PRKAR2A: variants seen among roughly 807,000 people sequenced by gnomAD.
PRKAR2A encodes protein kinase cAMP-dependent type II regulatory subunit alpha, also known as cAMP-dependent protein kinase type II-alpha regulatory subunit.
Under a neutral mutation model 51.9 loss-of-function variants are expected in PRKAR2A, and 29 were observed. That is an observed-to-expected ratio of 0.56 (90% confidence interval 0.42 to 0.76). The LOEUF (loss-of-function observed/expected upper bound fraction) is 0.76. Among genes scored for constraint, PRKAR2A ranks in the 30% least tolerant of loss-of-function variants. PRKAR2A has a pLI of 0.00. For synonymous variants in PRKAR2A, 178 were observed against 186.2 expected (o/e 0.96, Z 0.36); for missense variants, 445 against 512.1 (o/e 0.87, Z 1.26).
intron 9 of PRKAR2A, 39 bp from the exon 10 acceptor site, chr3:48,752,356 G>GATCAC: frequency 6.2e-7 from 1 of 1,600,310 alleles, no homozygotes; most frequent in Non-Finnish European, 8.5e-7. Context: ...CTGACTCCAG[G>GATCAC]ATCACAGCTG....
At chr3:48,817,321 G>A (rs1265010146) in intron 1 of PRKAR2A, among the ~76,000 whole-genome samples, 2 of 115,336 alleles carry the variant, frequency 1.7e-5, no homozygotes, top group East Asian at 5.2e-4. Context: ...GCAAGACTAC[G>A]TCTCAATAAA....
chr3:48,751,875 G>C (rs1406741287), intron 10 of PRKAR2A, among the ~76,000 whole-genome samples, 157 bp from the exon 11 acceptor site: 1 of 152,170 alleles, frequency 6.6e-6, no homozygotes, highest in Non-Finnish European at 1.5e-5. Context: ...TCAGAAGACT[G>C]TCATCCAGGT....
intron 6 of PRKAR2A, among the ~76,000 whole-genome samples, chr3:48,771,793 T>C (rs968146406): frequency 6.6e-6 from 1 of 152,166 alleles, no homozygotes; most frequent in Admixed American, 6.6e-5. Context: ...GAATGTTCCA[T>C]GGGCTTGAAA....
intron 5 of PRKAR2A, among the ~76,000 whole-genome samples, chr3:48,776,273 G>A (rs746816450): frequency 2.0e-4 from 31 of 152,084 alleles, no homozygotes; most frequent in Non-Finnish European, 4.0e-4. Flanking sequence ...GGTAATTAAA[G>A]CTTATAGCAA....
chr3:48,830,307 T>G (rs532601380), intron 1 of PRKAR2A, among the ~76,000 whole-genome samples: 3 of 152,248 alleles, frequency 2.0e-5, no homozygotes, highest in Admixed American at 6.5e-5. Context: ...AATATCACTG[T>G]CTTCCACCTC....
At chr3:48,837,904 C>A (rs1298893513) in intron 1 of PRKAR2A, among the ~76,000 whole-genome samples, 2 of 151,972 alleles carry the variant, frequency 1.3e-5, no homozygotes, top group African/African-American at 4.8e-5. Context: ...ATTGGCTGGG[C>A]ACGGTGGCTA....
At chr3:48,826,247 C>G (rs907767966) in intron 1 of PRKAR2A, among the ~76,000 whole-genome samples, 3 of 152,186 alleles carry the variant, frequency 2.0e-5, no homozygotes, top group African/African-American at 4.8e-5. Context: ...GCCTGGGTGA[C>G]AGAAGAAGAC....
chr3:48,773,817 T>C (rs573537621), intron 5 of PRKAR2A, among the ~76,000 whole-genome samples: 3 of 151,522 alleles, frequency 2.0e-5, no homozygotes, highest in Non-Finnish European at 4.4e-5. Context: ...TTTTTTGACA[T>C]ATATATTTTT....
At chr3:48,788,035 T>A (rs893693277) in intron 4 of PRKAR2A, among the ~76,000 whole-genome samples, 1 of 152,160 alleles carries the variant, frequency 6.6e-6, no homozygotes, top group African/African-American at 2.4e-5. Flanking sequence ...TAATTTTAAA[T>A]TTTTAGCTTT....
chr3:48,795,252 C>T (rs989416816), intron 2 of PRKAR2A, among the ~76,000 whole-genome samples: 1 of 151,996 alleles, frequency 6.6e-6, no homozygotes, highest in African/African-American at 2.4e-5. Context: ...GGATTACAGG[C>T]GTGAGCCACC....
intron 8 of PRKAR2A, among the ~76,000 whole-genome samples, chr3:48,764,596 A>T (rs2081910033): frequency 6.6e-6 from 1 of 152,170 alleles, no homozygotes; most frequent in Non-Finnish European, 1.5e-5. Context: ...CCTGGTAATA[A>T]GAGCTCCCAA....
chr3:48,827,171 T>G (rs1358845660), intron 1 of PRKAR2A, among the ~76,000 whole-genome samples: 5 of 152,128 alleles, frequency 3.3e-5, no homozygotes, highest in Non-Finnish European at 5.9e-5. Context: ...TTCTTTTTTT[T>G]GGGCTGAGAA....
chr3:48,813,650 T>C (rs1435422114), intron 1 of PRKAR2A, among the ~76,000 whole-genome samples: 1 of 151,376 alleles, frequency 6.6e-6, no homozygotes, highest in Non-Finnish European at 1.5e-5. Context: ...GCCGAGATTG[T>C]GCCACTGCAC....
chr3:48,749,895 TTC>T lies in PRKAR2A; in HGVS notation c.*1688_*1689del, dbSNP rs1163711721. The T allele has an allele frequency of 6.6e-6, 1 of 151,908 alleles. No homozygotes were observed. Among genetic ancestry groups the T allele is most frequent in the Non-Finnish European group, 1.5e-5 (1 of 68,034 alleles). The allele number at this position is 151,908 out of a possible 1,614,324, so 9.4% of individuals were successfully genotyped here. ...TTACCTAAAGAATAATTTTTTTTCT[TTC>T]TTTTTTTTTTTTTAAGAGACAGGGT... On this transcript the variant is annotated 3_prime_UTR_variant, in exon 11 of 11. Coordinates refer to ENST00000265563, the MANE Select transcript of PRKAR2A (RefSeq NM_004157.4).
chr3:48,765,282 A>C lies in PRKAR2A; in HGVS notation c.764T>G (p.Phe255Cys). The stretch of plus-strand genomic sequence containing the variant: ...TTTAAGGAGGGGCACAGACTCAATA[A>C]ATGATTCAAACATCTTCCTCTTCTT... ...NAKKRKMFESFIESVPLLKSL... is the reference protein window; with the variant it reads ...NAKKRKMFESCIESVPLLKSL... Residue 255 changes from phenylalanine (F) to cysteine (C), a missense_variant, in exon 7 of 11, where the codon TTT becomes TGT. Physicochemically the swap from Phe to Cys is radical, Grantham distance 205. Coordinates refer to ENST00000265563, the MANE Select transcript of PRKAR2A (RefSeq NM_004157.4). 1 of 1,612,736 alleles carries C rather than the reference A, an allele frequency of 6.2e-7. No homozygotes were observed. Among genetic ancestry groups the C allele is most frequent in the South Asian group, 1.1e-5 (1 of 90,774 alleles).
chr3:48,761,636 A>C (rs1266110237), intron 8 of PRKAR2A, among the ~76,000 whole-genome samples: 1 of 152,052 alleles, frequency 6.6e-6, no homozygotes, highest in Non-Finnish European at 1.5e-5. Context: ...TTTTGAGACC[A>C]AGTCTTGCTC....
intron 8 of PRKAR2A, among the ~76,000 whole-genome samples, chr3:48,764,688 A>G (rs572244989): frequency 2.0e-5 from 3 of 152,116 alleles, no homozygotes; most frequent in African/African-American, 7.2e-5. Flanking sequence ...GCAGTGGCGC[A>G]ATCTCGACTC....
chr3:48,796,736 C>T lies in PRKAR2A; in HGVS notation c.299-2687G>A, dbSNP rs147105661. Among the ~76,000 whole-genome samples the T allele has an allele frequency of 3.1e-3, 466 of 151,518 alleles. 5 individuals carry two copies. Among genetic ancestry groups the T allele is most frequent in the African/African-American group, 0.011 (443 of 41,300 alleles). ...AACTCCTGATCTCAAGTGATCTGCC[C>T]ATCTCGGCCTCCCAAAGTGTTGAGA... On this transcript the variant is annotated intron_variant, in intron 2 of 10. Transcript: ENST00000265563.
chr3:48,756,028 C>T (rs528401824), intron 9 of PRKAR2A, among the ~76,000 whole-genome samples: 1 of 152,238 alleles, frequency 6.6e-6, no homozygotes, highest in Non-Finnish European at 1.5e-5. Context: ...GATCCGCCCG[C>T]CTTGCCCTCC....
Sources: allele counts gnomAD v4.1 joint callset (sites outside exome capture counted in the v4.1 genomes callset), GRCh38; gene constraint gnomAD v4.1.1; transcripts MANE v1.5; gene names NCBI Gene and HGNC (gene_info 2026-07-23, HGNC 2026-07-21).